Variants in RPL13A observed in about 807,000 individuals in gnomAD.
RPL13A encodes large ribosomal subunit protein uL13.
In RPL13A, 4 loss-of-function variants were observed where a neutral mutation model predicts 30.8. The ratio of observed to expected loss-of-function variants is 0.13; its 90% CI spans 0.06 to 0.30. The LOEUF (loss-of-function observed/expected upper bound fraction) is 0.30. Ranked by LOEUF, RPL13A falls within the 10% of genes least tolerant of loss-of-function variation. The pLI is 1.00. For synonymous variants in RPL13A, 108 were observed against 104.2 expected, an observed-to-expected ratio of 1.04 and a Z score of -0.22; for missense variants, 196 against 272.6, an observed-to-expected ratio of 0.72 and a Z score of 1.98.
In RPL13A at chr19:49,492,119, T is replaced by C. The variant is rs2079877233; in HGVS notation, c.*304T>C. On this transcript the variant is annotated 3_prime_UTR_variant, in exon 8 of 8. Transcript: ENST00000391857. ...TGTGAGTGGGGCATCTGTTGGACTTTCCACCTGGTCATATACTCTGCAGCT... is the reference window on the plus strand; with the variant it reads ...TGTGAGTGGGGCATCTGTTGGACTTCCCACCTGGTCATATACTCTGCAGCT... The C allele has an allele frequency of 8.4e-6, 3 of 355,436 alleles. No homozygotes were observed. The highest frequency in any genetic ancestry group is 4.1e-5 in the Admixed American group (1 of 24,410). The allele number at this position is 355,436 out of a possible 1,614,324, so 22.0% of individuals were successfully genotyped here.
Position 49,492,048 on chromosome 19 carries a change from A to G in RPL13A, c.*233A>G. The G allele has an allele frequency of 2.0e-6, 1 of 498,854 alleles. No homozygotes were observed. Among genetic ancestry groups the G allele is most frequent in the Non-Finnish European group, 3.6e-6 (1 of 275,106 alleles). 30.9% of individuals were successfully genotyped at this position (498,854 alleles called of 1,614,324 possible). ...TGACCAATAGGAAGAGCAACCAGTT[A>G]CTATGAGTGAAAGGGAGCCAGAAGA... On this transcript the variant is annotated 3_prime_UTR_variant, in exon 8 of 8. Transcript: ENST00000391857.
chr19:49,491,402 A>ACCAC, intron 6 of RPL13A, 23 bp from the exon 7 acceptor site: 1 of 236,632 alleles, frequency 4.2e-6, no homozygotes, highest in Non-Finnish European at 7.8e-6. Context: ...TCATTTGTTC[A>ACCAC]CCCCCCCCCC....
At chr19:49,491,578 A>G in intron 7 of RPL13A, 31 bp downstream of exon 7, 1 of 1,554,686 alleles carries the variant, frequency 6.4e-7, no homozygotes, top group South Asian at 1.2e-5. Flanking sequence ...TGAGGGGGGC[A>G]TCTCACTCCT....
intron 5 of RPL13A, 36 bp from the exon 6 acceptor site, chr19:49,491,000 GTCCC>G (rs2079861942): frequency 6.2e-7 from 1 of 1,613,314 alleles, no homozygotes; most frequent in African/African-American, 1.3e-5. Flanking sequence ...TTCCCTGTCT[GTCCC>G]TCCCGGGCTC....
chr19:49,491,352 C>T (rs940348854), intron 6 of RPL13A, 73 bp from the exon 7 acceptor site: 64 of 1,395,338 alleles, frequency 4.6e-5, no homozygotes, highest in East Asian at 1.1e-4. Context: ...TCAACAGCTC[C>T]GGCTCTTCAG....
chr19:49,491,182 G>T lies in RPL13A; in HGVS notation c.402+83G>T, dbSNP rs368173441. ...CCTGGGGACCTGGAGCCTGGCAGAT[G>T]ATGTCCTTATCTCACGATGGTCTGC... On this transcript the variant is annotated intron_variant, in intron 6 of 7. Transcript: ENST00000391857. The T allele has an allele frequency of 1.3e-5, 19 of 1,479,910 alleles. No homozygotes were observed. The African/African-American group carries it at 2.2e-4, about 17-fold the overall frequency. 91.7% of individuals were successfully genotyped at this position (1,479,910 alleles called of 1,614,324 possible).
chr19:49,491,343 C>T (rs2079866352), intron 6 of RPL13A, 82 bp from the exon 7 acceptor site: 1 of 1,364,630 alleles, frequency 7.3e-7, no homozygotes, highest in Admixed American at 1.7e-5. Context: ...TCCCAGCTCT[C>T]AACAGCTCCG....
At chr19:49,488,407 G>A (rs760504476) in intron 1 of RPL13A, among the ~76,000 whole-genome samples, 5 of 152,202 alleles carry the variant, frequency 3.3e-5, no homozygotes, top group Non-Finnish European at 7.3e-5. Flanking sequence ...TCTGTTGTTG[G>A]GGCGGGTGAC....
Position 49,490,245 on chromosome 19 carries a change from G to T in RPL13A, c.102G>T (p.Val34=). Residue 34 remains valine (V), a synonymous_variant, in exon 3 of 8, where the codon GTG becomes GTT. Transcript: ENST00000391857. The stretch of plus-strand genomic sequence containing the variant: ...CCCTCCCTCTAGGCCGGAAGGTGGT[G>T]GTCGTACGCTGTGAAGGCATCAACA... ...AKQVLLGRKV[V]VVRCEGINIS... 6.2e-7 allele frequency: 1 copy of T among 1,614,166 alleles called. No homozygotes were observed. The highest frequency in any genetic ancestry group is 8.5e-7 in the Non-Finnish European group (1 of 1,180,038).
Position 49,487,845 on chromosome 19 carries a change from C to G in RPL13A, c.15+201C>G, listed in dbSNP as rs183882462. Among the ~76,000 whole-genome samples, 387 of 152,306 alleles carry G rather than the reference C, an allele frequency of 2.5e-3. 1 individual carries two copies. Among genetic ancestry groups the G allele is most frequent in the African/African-American group, 8.9e-3 (372 of 41,566 alleles). ...TAGGGTTGGCTACAATGTGGCATTT[C>G]CTTCTCGAGGCGAGGGTGATAGAGC... On this transcript the variant is annotated intron_variant, in intron 1 of 7. Coordinates refer to ENST00000391857, the MANE Select transcript of RPL13A (RefSeq NM_012423.4).
intron 1 of RPL13A, among the ~76,000 whole-genome samples, chr19:49,489,484 A>C (rs1467375715): frequency 2.6e-5 from 4 of 152,134 alleles, no homozygotes; most frequent in Admixed American, 6.5e-5. Flanking sequence ...CTCAAAACCA[A>C]ATCCTACAGT....
Position 49,491,752 on chromosome 19 carries a change from G to A in RPL13A, c.549G>A (p.Lys183=), listed in dbSNP as rs1260203332. 6.2e-7 allele frequency: 1 copy of A among 1,613,592 alleles called. No homozygotes were observed. The highest frequency in any genetic ancestry group is 1.3e-5 in the African/African-American group (1 of 75,044). The change falls in exon 8 of 8, where the codon AAG becomes AAA. Residue 183 remains lysine, a synonymous_variant. Coordinates refer to ENST00000391857, the MANE Select transcript of RPL13A (RefSeq NM_012423.4). Reference sequence around the variant, plus strand: ...AGAGGCTACGGAAACAGGCCGAGAAGAACGTGGAGAAGAAAATTGACAAAT... The same window carrying A: ...AGAGGCTACGGAAACAGGCCGAGAAAAACGTGGAGAAGAAAATTGACAAAT... The part of the protein sequence containing the change: ...QLMRLRKQAE[K]NVEKKIDKYT...
chr19:49,491,556 A>C lies in RPL13A; in HGVS notation c.525+9A>C. ...AGAAGAAACAGCTCATGGTGAGGCC[A>C]GGGGCTGGTGCTGAGGGGGGCATCT... On this transcript the variant is annotated intron_variant, in intron 7 of 7. Transcript: ENST00000391857. 1 of 1,552,430 alleles carries C rather than the reference A, an allele frequency of 6.4e-7. No homozygotes were observed. The highest frequency in any genetic ancestry group is 8.7e-7 in the Non-Finnish European group (1 of 1,152,252).
rs2079851802 is a variant in RPL13A at position 49,490,220 on chromosome 19, C to A, written c.89-12C>A. ...GGCGGCTCGGCCCTGCTAAGCCTTT[C>A]CCTCCCTCTAGGCCGGAAGGTGGTG... On this transcript the variant is annotated splice_polypyrimidine_tract_variant and intron_variant, in intron 2 of 7. Transcript: ENST00000391857. The A allele has an allele frequency of 1.9e-6, 3 of 1,613,834 alleles. No homozygotes were observed. Among genetic ancestry groups the A allele is most frequent in the Non-Finnish European group, 2.5e-6 (3 of 1,179,928 alleles).
At chr19:49,491,214 C>T (rs1300539627) in intron 6 of RPL13A, 115 bp downstream of exon 6, 1 of 1,351,620 alleles carries the variant, frequency 7.4e-7, no homozygotes. Context: ...CTGCGGATGT[C>T]CCTGTGGGAA....
chr19:49,490,015 A>T (rs575112940), intron 2 of RPL13A, 93 bp downstream of exon 2: 1 of 1,142,278 alleles, frequency 8.8e-7, no homozygotes, highest in South Asian at 1.2e-5. Context: ...TCTCACGGCC[A>T]TGAGATCAAC....
intron 2 of RPL13A, 95 bp downstream of exon 2, chr19:49,490,017 G>T: frequency 8.9e-7 from 1 of 1,123,026 alleles, no homozygotes; most frequent in Non-Finnish European, 1.4e-6. Flanking sequence ...TCACGGCCAT[G>T]AGATCAACCC....
intron 1 of RPL13A, among the ~76,000 whole-genome samples, chr19:49,487,912 C>T (rs28448366): frequency 1.4e-3 from 209 of 152,196 alleles, no homozygotes; most frequent in African/African-American, 4.4e-3. Flanking sequence ...ATTTTGCTTA[C>T]CTTGAACTCG....
intron 2 of RPL13A, 75 bp downstream of exon 2, chr19:49,489,997 C>G (rs141468307): frequency 1.6e-6 from 2 of 1,243,174 alleles, no homozygotes; most frequent in Non-Finnish European, 1.2e-6. Flanking sequence ...CACCATCTTT[C>G]GTTTGAGTCT....
Sources: allele counts gnomAD v4.1 joint callset (sites outside exome capture counted in the v4.1 genomes callset), GRCh38; gene constraint gnomAD v4.1.1; transcripts MANE v1.5; gene names NCBI Gene and HGNC (gene_info 2026-07-23, HGNC 2026-07-21).